The following CMSS1 variants were observed in gnomAD, a reference collection of about 807,000 sequenced individuals.
CMSS1 encodes cms1 ribosomal small subunit homolog.
A neutral mutation model predicts 43.5 loss-of-function variants in CMSS1; 33 were observed. The ratio of observed to expected loss-of-function variants is 0.76; its 90% CI spans 0.57 to 1.01. The LOEUF (loss-of-function observed/expected upper bound fraction) is 1.01, where lower values mean the gene tolerates loss of function less well. CMSS1 is among the 50% of genes least tolerant of loss of function. CMSS1 has a pLI of 0.00. For missense variants in CMSS1, 313 were observed against 326.4 expected, an observed-to-expected ratio of 0.96 and a Z score of 0.32; for synonymous variants, 115 against 117.2, an observed-to-expected ratio of 0.98 and a Z score of 0.12.
chr3:100,053,875 C>G (rs889434551), intron 1 of CMSS1, among the ~76,000 whole-genome samples: 16 of 152,296 alleles, frequency 1.1e-4, no homozygotes, highest in Non-Finnish European at 1.9e-4. Flanking sequence ...ATTTTGTTCT[C>G]CATTATTCAT....
chr3:99,832,861 G>T (rs5019313), intron 1 of CMSS1, among the ~76,000 whole-genome samples: 97,037 of 133,568 alleles, frequency 0.73, 35,312 homozygotes, highest in African/African-American at 0.84. Context: ...AAAAAAAGTT[G>T]TTTTTTTTTT....
At chr3:100,123,067 G>C (rs956086677) in intron 1 of CMSS1, among the ~76,000 whole-genome samples, 9 of 152,208 alleles carry the variant, frequency 5.9e-5, no homozygotes, top group African/African-American at 1.4e-4. Flanking sequence ...TAAAGTCTAT[G>C]GGAAGGATCA....
chr3:100,024,747 G>A (rs2107240799), intron 1 of CMSS1, among the ~76,000 whole-genome samples: 1 of 152,268 alleles, frequency 6.6e-6, no homozygotes, highest in Middle Eastern at 3.4e-3. Context: ...GATAGAATTG[G>A]TTAAGTGGAG....
intron 1 of CMSS1, among the ~76,000 whole-genome samples, chr3:100,000,255 G>A (rs1709804566): frequency 6.6e-6 from 1 of 152,074 alleles, no homozygotes. Context: ...CTTGCTTTTT[G>A]TAGGAAAAAA....
chr3:100,105,548 A>T (rs138646977), intron 1 of CMSS1, among the ~76,000 whole-genome samples: 230 of 152,312 alleles, frequency 1.5e-3, no homozygotes, highest in Non-Finnish European at 2.7e-3. Context: ...GGGCTATAAG[A>T]TTAACCGAAA....
intron 1 of CMSS1, chr3:99,924,127 G>A: frequency 3.1e-6 from 3 of 970,070 alleles, no homozygotes; most frequent in Non-Finnish European, 4.7e-6. Context: ...AGATCTTTGA[G>A]AACAGAGACT....
chr3:99,829,925 C>G (rs1942618334), intron 1 of CMSS1, among the ~76,000 whole-genome samples: 1 of 152,172 alleles, frequency 6.6e-6, no homozygotes, highest in African/African-American at 2.4e-5. Flanking sequence ...ATAAAGAAAT[C>G]ATAGTTTTAG....
chr3:99,935,244 G>A (rs1707624268), intron 1 of CMSS1, among the ~76,000 whole-genome samples: 1 of 138,220 alleles, frequency 7.2e-6, no homozygotes. Context: ...TAGCAACAGT[G>A]GTTTGGGATT....
At chr3:99,820,443 C>G (rs1367401080) in intron 1 of CMSS1, among the ~76,000 whole-genome samples, 1 of 152,174 alleles carries the variant, frequency 6.6e-6, no homozygotes, top group Admixed American at 6.5e-5. Context: ...GTGATCTGCT[C>G]GCCTTGGCCT....
At chr3:99,901,444 C>A (rs1006941740) in intron 1 of CMSS1, among the ~76,000 whole-genome samples, 1 of 152,140 alleles carries the variant, frequency 6.6e-6, no homozygotes, top group Non-Finnish European at 1.5e-5. Context: ...ATTTTCCTGT[C>A]CCTGGAGAAG....
In CMSS1 at chr3:100,037,843, A is replaced by G. The variant is rs370891604; in HGVS notation, c.65-109130A>G. On this transcript the variant is annotated intron_variant, in intron 1 of 9. Coordinates refer to ENST00000421999, the MANE Select transcript of CMSS1 (RefSeq NM_032359.4). The stretch of plus-strand genomic sequence containing the variant: ...ACAGATTAAGACCTTTAAAAAACTA[A>G]AGCTCTACTAATTTCTTCCTCACAA... 4.6e-5 allele frequency among the ~76,000 whole-genome samples: 7 copies of G among 152,280 alleles called. No homozygotes were observed. The South Asian group carries it at 1.5e-3, about 32-fold the overall frequency.
intron 1 of CMSS1, among the ~76,000 whole-genome samples, chr3:100,105,756 A>G (rs1456737944): frequency 1.3e-5 from 2 of 152,210 alleles, no homozygotes; most frequent in Non-Finnish European, 2.9e-5. Context: ...TTTCCTTTTT[A>G]GAAGCCCATG....
chr3:100,072,408 A>T (rs2065778197), intron 1 of CMSS1, among the ~76,000 whole-genome samples: 2 of 152,172 alleles, frequency 1.3e-5, no homozygotes, highest in African/African-American at 4.8e-5. Context: ...CAAGTAACAG[A>T]GTTGTCTCTG....
At chr3:99,918,470 A>G (rs1362185878) in intron 1 of CMSS1, among the ~76,000 whole-genome samples, 1 of 152,206 alleles carries the variant, frequency 6.6e-6, no homozygotes, top group African/African-American at 2.4e-5. Flanking sequence ...ACTATCATGT[A>G]TGTTCAAATA....
At chr3:100,039,771 T>TTTA (rs2065171337) in intron 1 of CMSS1, 1 of 151,566 alleles carries the variant, frequency 6.6e-6, no homozygotes. Flanking sequence ...TTTTTTTTTT[T>TTTA]GAGATGGAGT....
chr3:100,176,291 T>C (rs1183325498), intron 8 of CMSS1, 36 bp from the exon 9 acceptor site: 24 of 1,351,214 alleles, frequency 1.8e-5, no homozygotes, highest in Non-Finnish European at 2.4e-5. Context: ...TGTCATGAGG[T>C]CTTTACTACA....
At chr3:99,994,746 A>C (rs1415562650) in intron 1 of CMSS1, among the ~76,000 whole-genome samples, 2 of 152,200 alleles carry the variant, frequency 1.3e-5, no homozygotes, top group African/African-American at 4.8e-5. Flanking sequence ...GGTGGGAGGC[A>C]AAAGGCACTT....
At chr3:100,157,754 A>C (rs1369905977) in intron 2 of CMSS1, among the ~76,000 whole-genome samples, 1 of 152,244 alleles carries the variant, frequency 6.6e-6, no homozygotes, top group Non-Finnish European at 1.5e-5. Flanking sequence ...GGCTGGCAGG[A>C]CAGGCAAGGT....
In CMSS1 at chr3:99,999,301, T is replaced by G. The variant is rs188376279; in HGVS notation, c.65-147672T>G. On this transcript the variant is annotated intron_variant, in intron 1 of 9. Transcript: ENST00000421999. ...TCTCATAGCACATATCACATTCTTT[T>G]GTGATCATTACTGTGTTTCTCTCCC... Among the ~76,000 whole-genome samples the G allele has an allele frequency of 2.0e-5, 3 of 152,322 alleles. No homozygotes were observed. In the East Asian group the frequency reaches 5.8e-4, roughly 29 times the overall value.
Sources: allele counts gnomAD v4.1 joint callset (sites outside exome capture counted in the v4.1 genomes callset), GRCh38; gene constraint gnomAD v4.1.1; transcripts MANE v1.5; gene names NCBI Gene and HGNC (gene_info 2026-07-23, HGNC 2026-07-21).